The following CLHC1 variants were observed in gnomAD, a reference collection of about 807,000 sequenced individuals.
The protein encoded by CLHC1 is clathrin heavy chain linker domain containing 1.
In CLHC1, 72 loss-of-function variants were observed where a neutral mutation model predicts 69.5. The ratio of observed to expected loss-of-function variants is 1.04; its 90% CI spans 0.86 to 1.26. The LOEUF (loss-of-function observed/expected upper bound fraction) is 1.26. Ranked by LOEUF, CLHC1 falls within the 50% of genes most tolerant of loss-of-function variation. The probability of loss-of-function intolerance (pLI) is 0.00; values close to 1 mark genes in which losing one functional copy is unlikely to be tolerated. For synonymous variants in CLHC1, 223 were observed against 224.3 expected (o/e 0.99, Z 0.05); for missense variants, 790 against 679.3 (o/e 1.16, Z -1.81).
intron 1 of CLHC1, among the ~76,000 whole-genome samples, chr2:55,230,003 C>A (rs1161219368): frequency 6.6e-6 from 1 of 152,188 alleles, no homozygotes; most frequent in African/African-American, 2.4e-5. Context: ...ACCCGGGAAG[C>A]AGAGTTTGCG....
At chr2:55,208,213 T>C (rs1672626581) in intron 8 of CLHC1, among the ~76,000 whole-genome samples, 1 of 152,222 alleles carries the variant, frequency 6.6e-6, no homozygotes, top group Non-Finnish European at 1.5e-5. Context: ...TTTCAGATTT[T>C]TTCATATTTT....
At chr2:55,198,893 C>T (rs188966140) in intron 9 of CLHC1, among the ~76,000 whole-genome samples, 2 of 152,048 alleles carry the variant, frequency 1.3e-5, no homozygotes, top group Non-Finnish European at 2.9e-5. Context: ...AACATTTACC[C>T]TAGAATAATA....
chr2:55,200,625 A>G (rs923800223), intron 9 of CLHC1, among the ~76,000 whole-genome samples: 7 of 152,192 alleles, frequency 4.6e-5, no homozygotes, highest in Non-Finnish European at 7.3e-5. Flanking sequence ...CAGATCATCC[A>G]GACAGAAAAT....
intron 8 of CLHC1, among the ~76,000 whole-genome samples, chr2:55,207,953 T>C (rs1194106266): frequency 1.3e-5 from 2 of 152,214 alleles, no homozygotes; most frequent in African/African-American, 4.8e-5. Flanking sequence ...TAAAAAAGAA[T>C]ATAGTCTTAA....
chr2:55,191,064 G>A (rs1670879935), intron 9 of CLHC1, among the ~76,000 whole-genome samples: 3 of 152,110 alleles, frequency 2.0e-5, no homozygotes, highest in Admixed American at 2.0e-4. Context: ...AGAAGACAGT[G>A]AAACAAAATC....
At position 55,175,919 on chromosome 2, in the gene CLHC1, A is replaced by G; in HGVS notation, c.1632T>C (p.Asn544=). The part of the protein sequence containing the change: ...CSIEKWQEVA[N]ICSQNGFDKL... The stretch of plus-strand genomic sequence containing the variant: ...TGTCAAAGCCATTCTGTGAACATAT[A>G]TTTGCCACTTCTTGCCACTTTTCTA... Residue 544 remains asparagine, a synonymous_variant, in exon 13 of 13, where the codon AAT becomes AAC. Transcript: ENST00000401408. The G allele has an allele frequency of 6.2e-7, 1 of 1,614,062 alleles. No individual in the cohort carries two copies. The highest frequency in any genetic ancestry group is 8.5e-7 in the Non-Finnish European group (1 of 1,179,946).
At chr2:55,192,562 C>T (rs941914066) in intron 9 of CLHC1, among the ~76,000 whole-genome samples, 2 of 152,184 alleles carry the variant, frequency 1.3e-5, no homozygotes, top group African/African-American at 4.8e-5. Context: ...AGGAATCACT[C>T]TTCTGATTTC....
intron 9 of CLHC1, among the ~76,000 whole-genome samples, chr2:55,188,959 A>G (rs1670672293): frequency 6.6e-6 from 1 of 152,242 alleles, no homozygotes; most frequent in Non-Finnish European, 1.5e-5. Context: ...AATATAAAAG[A>G]CATATTTTTA....
At chr2:55,194,929 T>G (rs2103812990) in intron 9 of CLHC1, among the ~76,000 whole-genome samples, 1 of 152,136 alleles carries the variant, frequency 6.6e-6, no homozygotes, top group East Asian at 1.9e-4. Context: ...TTTTTTCTTT[T>G]TTTTGGGGGA....
intron 9 of CLHC1, among the ~76,000 whole-genome samples, chr2:55,185,278 C>G (rs141606403): frequency 6.6e-6 from 1 of 152,008 alleles, no homozygotes; most frequent in Non-Finnish European, 1.5e-5. Context: ...TTGCCAGCAC[C>G]GGGAACCTCT....
chr2:55,225,716 CA>C (rs1209557117), intron 2 of CLHC1: 3 of 152,514 alleles, frequency 2.0e-5, no homozygotes, highest in African/African-American at 7.2e-5. Flanking sequence ...CACTGCGTGC[CA>C]GGGGGTTCCT....
rs1291220250 is a variant in CLHC1 at position 55,176,054 on chromosome 2, A to C, written c.1565-68T>G. On this transcript the variant is annotated intron_variant, in intron 12 of 12. Transcript: ENST00000401408. The stretch of plus-strand genomic sequence containing the variant: ...ATAATCTATACTTTAGTGATTCTTC[A>C]AAAATAGAAAAGGACATAATTTCAA... 15 of 1,296,162 alleles carry C rather than the reference A, an allele frequency of 1.2e-5. No homozygotes were observed. In the Middle Eastern group the frequency reaches 5.8e-4, roughly 50 times the overall value. The allele number at this position is 1,296,162 out of a possible 1,614,324, so 80.3% of individuals were successfully genotyped here.
In CLHC1 at chr2:55,208,708, C is replaced by T; in HGVS notation, c.817G>A (p.Asp273Asn). 3 of 1,604,204 alleles carry T rather than the reference C, an allele frequency of 1.9e-6. No homozygotes were observed. Among genetic ancestry groups the T allele is most frequent in the Non-Finnish European group, 2.6e-6 (3 of 1,171,328 alleles). The change falls in exon 8 of 13, where the codon GAC becomes AAC. Residue 273 changes from aspartate (D) to asparagine (N), a missense_variant and splice_region_variant. Coordinates refer to ENST00000401408, the MANE Select transcript of CLHC1 (RefSeq NM_152385.4). Reference sequence around the variant, plus strand: ...ATTAGTTCTTCAACAATGCCTTGGTCACCTGTAAATATTGAAAGTACTACT... The same window carrying T: ...ATTAGTTCTTCAACAATGCCTTGGTTACCTGTAAATATTGAAAGTACTACT... Reference protein sequence around the residue: ...QIQKTKYLQGDQGIVEELMED... With the variant: ...QIQKTKYLQGNQGIVEELMED...
At chr2:55,212,943 T>C (rs1673156196) in intron 4 of CLHC1, 137 bp from the exon 5 acceptor site, 1 of 642,576 alleles carries the variant, frequency 1.6e-6, no homozygotes, top group Non-Finnish European at 2.7e-6. Flanking sequence ...AAAAGTTATC[T>C]AGCCTCACAA....
intron 1 of CLHC1, among the ~76,000 whole-genome samples, chr2:55,228,540 A>G (rs1350400352): frequency 6.6e-6 from 1 of 152,216 alleles, no homozygotes; most frequent in Non-Finnish European, 1.5e-5. Flanking sequence ...TTCCCAGTCA[A>G]GTGTTCCAGG....
intron 9 of CLHC1, among the ~76,000 whole-genome samples, chr2:55,194,150 AC>A (rs1347246165): frequency 6.6e-6 from 1 of 152,028 alleles, no homozygotes; most frequent in Non-Finnish European, 1.5e-5. Flanking sequence ...GTTAATGGGT[AC>A]AAAGTTTATT....
In CLHC1 at chr2:55,191,866, G is replaced by C. The variant is rs984536239; in HGVS notation, c.1007-10122C>G. Among the ~76,000 whole-genome samples the C allele has an allele frequency of 1.1e-4, 17 of 152,126 alleles. No homozygotes were observed. The South Asian group carries it at 3.3e-3, about 30-fold the overall frequency. On this transcript the variant is annotated intron_variant, in intron 9 of 12. Coordinates refer to ENST00000401408, the MANE Select transcript of CLHC1 (RefSeq NM_152385.4). ...CACACCAGTGAAGTGTGGTGGTGTG[G>C]TGGTGCACACCTGCACTCCCAGTTA...
intron 1 of CLHC1, among the ~76,000 whole-genome samples, chr2:55,229,692 G>C (rs1197821044): frequency 1.3e-5 from 2 of 152,344 alleles, no homozygotes; most frequent in South Asian, 4.1e-4. Context: ...AGCCTCACTT[G>C]TAAGAATTTA....
chr2:55,213,342 G>A (rs1184132913), intron 4 of CLHC1, among the ~76,000 whole-genome samples: 1 of 152,144 alleles, frequency 6.6e-6, no homozygotes, highest in African/African-American at 2.4e-5. Flanking sequence ...CTGCCTCTAT[G>A]GTCATACTGC....
Sources: gnomAD v4.1 joint callset for allele counts (sites outside exome capture counted in the v4.1 genomes callset) on GRCh38, gnomAD v4.1.1 for gene constraint, MANE v1.5 for transcripts, NCBI Gene and HGNC (gene_info 2026-07-23, HGNC 2026-07-21) for gene names.